The following GRIK4 variants were observed in gnomAD, a reference collection of about 807,000 sequenced individuals.
The protein encoded by GRIK4 is glutamate ionotropic receptor kainate type subunit 4, also known as glutamate receptor ionotropic, kainate 4.
In GRIK4, 40 loss-of-function variants were observed where a neutral mutation model predicts 104.9. That is an observed-to-expected ratio of 0.38 (90% confidence interval 0.30 to 0.50). The LOEUF is 0.50. Ranked by LOEUF, GRIK4 falls within the 20% of genes least tolerant of loss-of-function variation. GRIK4 has a pLI of 0.93. For synonymous variants in GRIK4, 485 were observed against 524.9 expected (o/e 0.92, Z 1.04); for missense variants, 1,047 against 1,308.1 (o/e 0.80, Z 3.08).
At chr11:120,933,564 C>T (rs753136570) in intron 13 of GRIK4, among the ~76,000 whole-genome samples, 3 of 152,134 alleles carry the variant, frequency 2.0e-5, no homozygotes, top group African/African-American at 4.8e-5. Context: ...TAAGTGAGTG[C>T]GAGTCCAGGT....
chr11:120,623,423 G>A (rs577017221), intron 1 of GRIK4, among the ~76,000 whole-genome samples: 47 of 152,116 alleles, frequency 3.1e-4, no homozygotes, highest in African/African-American at 1.1e-3. Flanking sequence ...GTGAACCACC[G>A]CACCCGGCCC....
At chr11:120,755,180 G>T (rs1483582253) in intron 3 of GRIK4, among the ~76,000 whole-genome samples, 1 of 152,200 alleles carries the variant, frequency 6.6e-6, no homozygotes, top group South Asian at 2.1e-4. Flanking sequence ...GGGTAGAGAG[G>T]TGAACAGAGC....
chr11:120,701,068 T>C (rs1053871952), intron 3 of GRIK4, among the ~76,000 whole-genome samples: 1 of 152,238 alleles, frequency 6.6e-6, no homozygotes, highest in African/African-American at 2.4e-5. Flanking sequence ...CTATACCATC[T>C]AGGTTTGTGT....
At chr11:120,613,257 T>C (rs765342324) in intron 1 of GRIK4, among the ~76,000 whole-genome samples, 2 of 152,202 alleles carry the variant, frequency 1.3e-5, no homozygotes, top group Non-Finnish European at 2.9e-5. Flanking sequence ...GTGTGGGGTA[T>C]CATAATAACT....
intron 8 of GRIK4, among the ~76,000 whole-genome samples, chr11:120,861,575 A>G (rs1011607951): frequency 6.6e-6 from 1 of 152,056 alleles, no homozygotes; most frequent in African/African-American, 2.4e-5. Context: ...GGAGCCTTTG[A>G]CCACTCACAA....
intron 13 of GRIK4, among the ~76,000 whole-genome samples, chr11:120,919,572 G>C (rs923305473): frequency 6.6e-6 from 1 of 152,186 alleles, no homozygotes; most frequent in Non-Finnish European, 1.5e-5. Context: ...AGGCCCTCCA[G>C]GTGGTGCTGA....
At chr11:120,713,094 C>T (rs12281614) in intron 3 of GRIK4, among the ~76,000 whole-genome samples, 35,155 of 152,096 alleles carry the variant, frequency 0.23, 5,414 homozygotes, top group African/African-American at 0.44. Flanking sequence ...CAGCAGTTTG[C>T]CACAGCTGGC....
chr11:120,847,711 T>C (rs528263210), intron 8 of GRIK4, among the ~76,000 whole-genome samples: 44 of 152,350 alleles, frequency 2.9e-4, no homozygotes, highest in African/African-American at 9.9e-4. Context: ...TTACTCCCCA[T>C]GGACAGCCAA....
intron 1 of GRIK4, among the ~76,000 whole-genome samples, chr11:120,515,981 T>A (rs1402888466): frequency 6.6e-6 from 1 of 152,172 alleles, no homozygotes; most frequent in Non-Finnish European, 1.5e-5. Flanking sequence ...GGTCACACAC[T>A]CTGTCCCACA....
At chr11:120,834,416 G>T (rs1439200238) in intron 7 of GRIK4, among the ~76,000 whole-genome samples, 1 of 152,150 alleles carries the variant, frequency 6.6e-6, no homozygotes, top group African/African-American at 2.4e-5. Flanking sequence ...CAACTCCTGT[G>T]ACATTGGAGC....
intron 4 of GRIK4, 71 bp downstream of exon 4, chr11:120,802,928 C>T (rs770303083): frequency 4.3e-5 from 57 of 1,320,866 alleles, no homozygotes; most frequent in Non-Finnish European, 6.2e-5. Flanking sequence ...GTGAGCTGCA[C>T]CTATCAGTCA....
At chr11:120,664,386 C>T (rs1196420045) in intron 3 of GRIK4, among the ~76,000 whole-genome samples, 1 of 152,172 alleles carries the variant, frequency 6.6e-6, no homozygotes, top group East Asian at 1.9e-4. Flanking sequence ...TTATTGAATG[C>T]TATGTGCCAA....
intron 13 of GRIK4, among the ~76,000 whole-genome samples, chr11:120,910,953 A>G (rs866088048): frequency 5.3e-5 from 8 of 152,150 alleles, no homozygotes; most frequent in African/African-American, 1.9e-4. Context: ...CAGTGAGGAG[A>G]GAGTACGAGA....
intron 9 of GRIK4, 31 bp from the exon 10 acceptor site, chr11:120,874,035 C>G: frequency 6.3e-7 from 1 of 1,584,404 alleles, no homozygotes; most frequent in South Asian, 1.1e-5. Flanking sequence ...CTCTCACTCC[C>G]TCCCTCCGCC....
intron 1 of GRIK4, among the ~76,000 whole-genome samples, chr11:120,617,819 C>G (rs1359422415): frequency 6.6e-6 from 1 of 152,158 alleles, no homozygotes; most frequent in African/African-American, 2.4e-5. Flanking sequence ...GCTTTCTGTA[C>G]AGCTTGCAGA....
chr11:120,962,724 A>T, intron 18 of GRIK4, 43 bp downstream of exon 18: 1 of 1,400,872 alleles, frequency 7.1e-7, no homozygotes, highest in Non-Finnish European at 1.0e-6. Context: ...CTTTGTCCAG[A>T]CAGGGTCAGG....
intron 13 of GRIK4, among the ~76,000 whole-genome samples, chr11:120,909,427 A>T (rs920051196): frequency 6.6e-6 from 1 of 152,216 alleles, no homozygotes; most frequent in African/African-American, 2.4e-5. Context: ...ATTGTAACAC[A>T]TTGGGTAAGC....
intron 20 of GRIK4, 83 bp from the exon 21 acceptor site, chr11:120,985,821 T>G: frequency 7.7e-7 from 1 of 1,290,790 alleles, no homozygotes; most frequent in Non-Finnish European, 1.1e-6. Context: ...CGCTGCCCCC[T>G]TCATCCCTCA....
intron 19 of GRIK4, among the ~76,000 whole-genome samples, chr11:120,978,238 A>G (rs1317943128): frequency 2.0e-5 from 3 of 152,248 alleles, no homozygotes; most frequent in African/African-American, 7.2e-5. Flanking sequence ...ATCCAGATAT[A>G]TAAACTAGTG....
Sources: gnomAD v4.1 joint callset for allele counts (sites outside exome capture counted in the v4.1 genomes callset) on GRCh38, gnomAD v4.1.1 for gene constraint, MANE v1.5 for transcripts, NCBI Gene and HGNC (gene_info 2026-07-23, HGNC 2026-07-21) for gene names.